Variants in SCAI observed in about 807,000 individuals in gnomAD.
The protein encoded by SCAI is protein SCAI.
A neutral mutation model predicts 92.2 loss-of-function variants in SCAI; 24 were observed. That is an observed-to-expected ratio of 0.26 (90% CI 0.19 to 0.37). The LOEUF (loss-of-function observed/expected upper bound fraction) is 0.37, where lower values mean the gene tolerates loss of function less well. SCAI is among the 10% of genes least tolerant of loss of function. SCAI has a pLI of 1.00. For synonymous variants in SCAI, 261 were observed against 258.6 expected, an observed-to-expected ratio of 1.01 and a Z score of -0.09; for missense variants, 450 against 736.2, an observed-to-expected ratio of 0.61 and a Z score of 4.50.
At chr9:125,029,231 C>A (rs532850214) in intron 4 of SCAI, among the ~76,000 whole-genome samples, 3 of 152,136 alleles carry the variant, frequency 2.0e-5, no homozygotes, top group Non-Finnish European at 4.4e-5. Flanking sequence ...AAGCGATTCT[C>A]GTGCCACAGC....
At chr9:125,005,169 G>C (rs1412672220) in intron 9 of SCAI, among the ~76,000 whole-genome samples, 4 of 151,894 alleles carry the variant, frequency 2.6e-5, no homozygotes, top group South Asian at 2.1e-4. Context: ...TCCAATTTCA[G>C]TAATACTTAT....
intron 17 of SCAI, among the ~76,000 whole-genome samples, chr9:124,963,066 T>C (rs755096542): frequency 3.8e-4 from 57 of 151,636 alleles, no homozygotes; most frequent in Non-Finnish European, 7.4e-4. Context: ...CCCATAGTGC[T>C]GGGATTACAG....
At chr9:124,955,031 G>A (rs1403613716) in intron 17 of SCAI, among the ~76,000 whole-genome samples, 1 of 152,034 alleles carries the variant, frequency 6.6e-6, no homozygotes, top group African/African-American at 2.4e-5. Flanking sequence ...GCTGGGTGTG[G>A]TGGTGCACAT....
chr9:125,073,786 G>A (rs955136085), intron 2 of SCAI, among the ~76,000 whole-genome samples: 1 of 152,168 alleles, frequency 6.6e-6, no homozygotes, highest in South Asian at 2.1e-4. Context: ...TAAAATAAAT[G>A]TGTAAATAAA....
At chr9:125,114,607 T>G (rs1834998032) in intron 2 of SCAI, among the ~76,000 whole-genome samples, 1 of 151,438 alleles carries the variant, frequency 6.6e-6, no homozygotes, top group Non-Finnish European at 1.5e-5. Flanking sequence ...TGAAGGACCT[T>G]TTTTTTTATT....
chr9:124,998,586 T>TG (rs1181048842), intron 13 of SCAI, among the ~76,000 whole-genome samples: 2 of 152,220 alleles, frequency 1.3e-5, no homozygotes, highest in Non-Finnish European at 2.9e-5. Context: ...TCTATACCAC[T>TG]GTAGCATGAC....
At chr9:125,130,256 G>C (rs1302191972) in intron 2 of SCAI, among the ~76,000 whole-genome samples, 2 of 152,084 alleles carry the variant, frequency 1.3e-5, no homozygotes, top group African/African-American at 2.4e-5. Context: ...GACACAAACG[G>C]AACAGAGAAG....
intron 14 of SCAI, among the ~76,000 whole-genome samples, chr9:124,992,627 G>A (rs778085627): frequency 4.7e-5 from 7 of 150,350 alleles, no homozygotes; most frequent in African/African-American, 1.2e-4. Context: ...CAAGTGATCC[G>A]CCCGCCTCAG....
intron 2 of SCAI, among the ~76,000 whole-genome samples, chr9:125,140,302 C>T (rs183503114): frequency 1.6e-3 from 238 of 152,194 alleles, no homozygotes; most frequent in African/African-American, 5.5e-3. Context: ...CCTAGTCAGA[C>T]AGAGCACTTG....
At chr9:125,052,795 T>C (rs1833584333) in intron 3 of SCAI, among the ~76,000 whole-genome samples, 2 of 151,872 alleles carry the variant, frequency 1.3e-5, no homozygotes, top group African/African-American at 4.8e-5. Flanking sequence ...ACAGATACTT[T>C]CCCAAAGAAG....
chr9:124,987,907 G>A (rs1022504438), intron 14 of SCAI, among the ~76,000 whole-genome samples: 1 of 152,084 alleles, frequency 6.6e-6, no homozygotes, highest in Admixed American at 6.6e-5. Context: ...AGGTTGTAGT[G>A]AGCCAAGATC....
chr9:124,963,671 AC>A (rs1407153396), intron 17 of SCAI, among the ~76,000 whole-genome samples: 15 of 136,422 alleles, frequency 1.1e-4, no homozygotes, highest in African/African-American at 4.1e-4. Context: ...AATCTCTTGA[AC>A]CCCGGAGGTG....
intron 2 of SCAI, among the ~76,000 whole-genome samples, chr9:125,136,031 A>G (rs1835518167): frequency 6.6e-6 from 1 of 151,838 alleles, no homozygotes; most frequent in Non-Finnish European, 1.5e-5. Context: ...AAAATGTACT[A>G]CATATGTAAT....
At chr9:125,027,016 G>C (rs1413341077) in intron 5 of SCAI, 106 bp from the exon 6 acceptor site, 4 of 501,124 alleles carry the variant, frequency 8.0e-6, no homozygotes, top group Non-Finnish European at 1.4e-5. Flanking sequence ...CGGGGTGCGG[G>C]GGTGGGAATG....
rs533240227 is a variant in SCAI at position 125,061,502 on chromosome 9, G to A, written c.99-5495C>T. 2.0e-5 allele frequency among the ~76,000 whole-genome samples: 3 copies of A among 152,336 alleles called. No homozygotes were observed. The South Asian group carries it at 6.2e-4, about 32-fold the overall frequency. The stretch of plus-strand genomic sequence containing the variant: ...AGGCTGGGCCCAGTGGCTCACGCCT[G>A]TAATCCCAACACTTTGGAGGCTGAG... On this transcript the variant is annotated intron_variant, in intron 2 of 17. Coordinates refer to ENST00000336505, the MANE Select transcript of SCAI (RefSeq NM_001144877.3).
At position 124,948,686 on chromosome 9, in the gene SCAI, TG is replaced by T. The variant is rs1175263350; in HGVS notation, c.*4120del. 6.6e-6 allele frequency: 1 copy of T among 152,226 alleles called. No homozygotes were observed. Among genetic ancestry groups the T allele is most frequent in the Non-Finnish European group, 1.5e-5 (1 of 68,036 alleles). The allele number at this position is 152,226 out of a possible 1,614,324, so 9.4% of individuals were successfully genotyped here. A position where few individuals can be genotyped will look rare whatever the true frequency, so the allele number is the denominator to read the frequency against. On this transcript the variant is annotated 3_prime_UTR_variant, in exon 18 of 18. Transcript: ENST00000336505. ...CAGATAAAGAAAGAGAAAATTCCAC[TG>T]TGCTTCATTTTGTTTTGTGTATAAC... is the stretch of plus-strand genomic sequence containing the variant.
At position 124,995,490 on chromosome 9, in the gene SCAI, AT is replaced by A. The variant is rs561287345; in HGVS notation, c.1245-476del. ...GTAGGAAAATCTTTTTACTATCACT[AT>A]TTTTTTTTTTAAAGACACCGTCTTG... On this transcript the variant is annotated intron_variant, in intron 13 of 17. Transcript: ENST00000336505. 1.9e-3 allele frequency among the ~76,000 whole-genome samples: 277 copies of A among 147,362 alleles called. 2 individuals are homozygous for A. Among genetic ancestry groups the A allele is most frequent in the African/African-American group, 6.1e-3 (245 of 40,440 alleles).
intron 2 of SCAI, among the ~76,000 whole-genome samples, chr9:125,138,639 C>T (rs959092188): frequency 4.6e-5 from 7 of 152,146 alleles, no homozygotes; most frequent in Non-Finnish European, 1.0e-4. Flanking sequence ...TGGTCTCGAT[C>T]TCCTGACCTT....
intron 3 of SCAI, among the ~76,000 whole-genome samples, chr9:125,042,569 T>G (rs1432114376): frequency 6.7e-6 from 1 of 148,972 alleles, no homozygotes; most frequent in Non-Finnish European, 1.5e-5. Flanking sequence ...TCCATTAACT[T>G]CTCTTTCCTT....
Sources: gnomAD v4.1 joint callset for allele counts (sites outside exome capture counted in the v4.1 genomes callset) on GRCh38, gnomAD v4.1.1 for gene constraint, MANE v1.5 for transcripts, NCBI Gene and HGNC (gene_info 2026-07-23, HGNC 2026-07-21) for gene names.